Variants in DIAPH2 observed in about 807,000 individuals in gnomAD.
The protein encoded by DIAPH2 is diaphanous related formin 2, also known as protein diaphanous homolog 2.
DIAPH2 carries 35 observed loss-of-function variants against 92.7 expected under a neutral mutation model. That is an observed-to-expected ratio of 0.38 (90% CI 0.29 to 0.50). The LOEUF is 0.50. Ranked by LOEUF, DIAPH2 falls within the 20% of genes least tolerant of loss-of-function variation. The pLI, the probability that DIAPH2 is intolerant of heterozygous loss-of-function variation, is 0.94. For synonymous variants in DIAPH2, 301 were observed against 280.4 expected (o/e 1.07, Z -0.73); for missense variants, 701 against 819.5 (o/e 0.86, Z 1.77).
intron 20 of DIAPH2, among the ~76,000 whole-genome samples, chrX:97,105,698 AAC>A (rs1280528979): frequency 8.9e-6 from 1 of 112,197 alleles, no homozygotes; most frequent in African/African-American, 3.2e-5. Context: ...CTATTAAACT[AAC>A]ACATCTTCTG....
intron 24 of DIAPH2, among the ~76,000 whole-genome samples, chrX:97,368,974 T>C (rs756346555): frequency 2.0e-5 from 2 of 97,718 alleles, no homozygotes; most frequent in East Asian, 7.3e-4. Context: ...GGCACGATCT[T>C]GGCTCACTGC....
intron 26 of DIAPH2, among the ~76,000 whole-genome samples, chrX:97,520,877 C>T (rs73554324): frequency 0.1 from 11,173 of 111,847 alleles, 787 homozygotes; most frequent in African/African-American, 0.25. Flanking sequence ...GATCCAAGAA[C>T]GTTCTTCATG....
At chrX:97,317,476 C>T (rs1418632427) in intron 23 of DIAPH2, among the ~76,000 whole-genome samples, 2 of 111,959 alleles carry the variant, frequency 1.8e-5, no homozygotes, top group African/African-American at 6.5e-5. Flanking sequence ...AGACATTCCT[C>T]TTTTGCTTAT....
chrX:97,464,037 C>T lies in DIAPH2; in HGVS notation c.3241+34292C>T, dbSNP rs756554179. Among the ~76,000 whole-genome samples, 9 of 110,538 alleles carry T rather than the reference C, an allele frequency of 8.1e-5. No homozygotes were observed. In the Admixed American group the frequency reaches 8.7e-4, roughly 11 times the overall value. On this transcript the variant is annotated intron_variant, in intron 26 of 26. Transcript: ENST00000324765. ...CTTGGTTGTATGGAACAGAAATCTACATAAGGTAGCTTGAGTGAAGGGGTA... is the reference window on the plus strand; with the variant it reads ...CTTGGTTGTATGGAACAGAAATCTATATAAGGTAGCTTGAGTGAAGGGGTA...
intron 22 of DIAPH2, among the ~76,000 whole-genome samples, chrX:97,245,704 T>C (rs2068135778): frequency 9.0e-6 from 1 of 111,335 alleles, no homozygotes; most frequent in Admixed American, 9.6e-5. Flanking sequence ...TGAGCCCCCA[T>C]GTGGGGCCTA....
At chrX:97,091,902 G>T (rs2066828404) in intron 19 of DIAPH2, among the ~76,000 whole-genome samples, 1 of 111,726 alleles carries the variant, frequency 9.0e-6, no homozygotes, top group Non-Finnish European at 1.9e-5. Context: ...GAGGGCGGGG[G>T]TGTTGCCTTG....
At chrX:97,155,548 A>G (rs2147430611) in intron 22 of DIAPH2, among the ~76,000 whole-genome samples, 1 of 111,169 alleles carries the variant, frequency 9.0e-6, no homozygotes, top group Non-Finnish European at 1.9e-5. Flanking sequence ...GTGTTCCAGG[A>G]TTTAGAGGAC....
intron 17 of DIAPH2, among the ~76,000 whole-genome samples, chrX:97,031,578 CTTTCT>C (rs776446637): frequency 1.2e-4 from 13 of 111,307 alleles, no homozygotes; most frequent in Non-Finnish European, 1.9e-4. Flanking sequence ...TGTTTTTCTG[CTTTCT>C]TTTGTCAATT....
chrX:96,790,073 G>GT lies in DIAPH2; in HGVS notation c.447+31828dup, dbSNP rs1369966539. Among the ~76,000 whole-genome samples, 751 of 99,559 alleles carry GT rather than the reference G, an allele frequency of 7.5e-3. 5 individuals are homozygous for GT. Among genetic ancestry groups the GT allele is most frequent in the South Asian group, 0.043 (97 of 2,233 alleles). The allele number at this position is 99,559 out of a possible 115,157, so 86.5% of individuals were successfully genotyped here. A position where few individuals can be genotyped will look rare whatever the true frequency, so the allele number is the denominator to read the frequency against. On this transcript the variant is annotated intron_variant, in intron 4 of 26. Transcript: ENST00000324765. ...AAATTTAATTTCTTTTTTGTTTTTT[G>GT]TTTTTTTTTTTTTGAGACAGAGTTT...
Position 97,075,278 on chromosome X carries a change from C to T in DIAPH2, c.2247+17C>T, listed in dbSNP as rs1344936742. The T allele has an allele frequency of 5.6e-6, 6 of 1,073,575 alleles. No homozygotes were observed. Among genetic ancestry groups the T allele is most frequent in the African/African-American group, 1.9e-5 (1 of 53,470 alleles). 88.5% of individuals were successfully genotyped at this position (1,073,575 alleles called of 1,213,427 possible). A position where few individuals can be genotyped will look rare whatever the true frequency, so the allele number is the denominator to read the frequency against. On this transcript the variant is annotated intron_variant, in intron 19 of 26. Coordinates refer to ENST00000324765, the MANE Select transcript of DIAPH2 (RefSeq NM_006729.5). Reference sequence around the variant, plus strand: ...TTAATTCAGGTAACTTGGATATTTTCCTTTTGAAATTCATTTTCACAGATT... The same window carrying T: ...TTAATTCAGGTAACTTGGATATTTTTCTTTTGAAATTCATTTTCACAGATT...
chrX:96,714,273 T>G (rs1416972063), intron 1 of DIAPH2, among the ~76,000 whole-genome samples: 1 of 106,882 alleles, frequency 9.4e-6, no homozygotes, highest in Non-Finnish European at 1.9e-5. Context: ...GTGTTTTTTT[T>G]TTTTTTTTTT....
chrX:97,323,865 TGCA>T (rs1452758813), intron 23 of DIAPH2, among the ~76,000 whole-genome samples: 2 of 98,447 alleles, frequency 2.0e-5, no homozygotes, highest in Non-Finnish European at 4.0e-5. Context: ...ATCACGCCAT[TGCA>T]CCCCAGCCTG....
intron 25 of DIAPH2, among the ~76,000 whole-genome samples, chrX:97,396,467 T>G (rs1000810842): frequency 1.8e-5 from 2 of 109,395 alleles, no homozygotes; most frequent in African/African-American, 6.7e-5. Flanking sequence ...AGGTCAGGAG[T>G]TCGAGACCAG....
chrX:97,410,529 C>T (rs772528284), intron 25 of DIAPH2, among the ~76,000 whole-genome samples: 1 of 112,019 alleles, frequency 8.9e-6, no homozygotes, highest in African/African-American at 3.2e-5. Context: ...AGGTCCTCTC[C>T]AGCAACGAAA....
intron 17 of DIAPH2, among the ~76,000 whole-genome samples, chrX:97,024,952 G>A (rs1340518462): frequency 8.9e-6 from 1 of 111,788 alleles, no homozygotes; most frequent in Non-Finnish European, 1.9e-5. Flanking sequence ...TGAGAAAATC[G>A]ATATATCACT....
intron 26 of DIAPH2, among the ~76,000 whole-genome samples, chrX:97,448,065 A>G (rs983552054): frequency 8.9e-6 from 1 of 112,380 alleles, no homozygotes; most frequent in Admixed American, 9.5e-5. Flanking sequence ...TCAAATAATA[A>G]AAGAAGGCAG....
chrX:97,244,540 T>G, intron 22 of DIAPH2, among the ~76,000 whole-genome samples: 1 of 111,886 alleles, frequency 8.9e-6, no homozygotes, highest in East Asian at 2.8e-4. Context: ...TAATGCAGAT[T>G]TATTTAGGTT....
chrX:96,937,650 A>AT (rs976926723), intron 11 of DIAPH2, among the ~76,000 whole-genome samples: 1 of 111,601 alleles, frequency 9.0e-6, no homozygotes, highest in Admixed American at 9.6e-5. Context: ...ACATGTAAGG[A>AT]TTTTTTTGGG....
At chrX:96,998,463 T>G (rs1221594159) in intron 17 of DIAPH2, among the ~76,000 whole-genome samples, 1 of 111,747 alleles carries the variant, frequency 8.9e-6, no homozygotes, top group Non-Finnish European at 1.9e-5. Context: ...GAGGACACAT[T>G]AATCATTTTT....
Sources: gnomAD v4.1 joint callset for allele counts (sites outside exome capture counted in the v4.1 genomes callset) on GRCh38, gnomAD v4.1.1 for gene constraint, MANE v1.5 for transcripts, NCBI Gene and HGNC (gene_info 2026-07-23, HGNC 2026-07-21) for gene names.